The following SPATA9 variants were observed in gnomAD, a reference collection of about 807,000 sequenced individuals.
SPATA9 encodes the protein spermatogenesis associated 9, also known as spermatogenesis-associated protein 9.
SPATA9 carries 27 observed loss-of-function variants against 25.5 expected under a neutral mutation model. The ratio of observed to expected loss-of-function variants is 1.06; its 90% CI spans 0.78 to 1.46. The LOEUF is 1.46. Among genes scored for constraint, SPATA9 ranks in the 40% most tolerant of loss-of-function variants. The pLI is 0.00. For missense variants in SPATA9, 282 were observed against 297.5 expected, an observed-to-expected ratio of 0.95 and a Z score of 0.38; for synonymous variants, 102 against 105.7, an observed-to-expected ratio of 0.97 and a Z score of 0.21.
chr5:95,652,505 A>G (rs1750404290), downstream of SPATA9: 5 of 814,540 alleles, frequency 6.1e-6, no homozygotes, highest in East Asian at 1.5e-4. Context: ...CCATTCTGCA[A>G]AAATACCATT....
chr5:95,696,133 A>C (rs1337577923), intron 1 of SPATA9, among the ~76,000 whole-genome samples: 1 of 152,184 alleles, frequency 6.6e-6, no homozygotes, highest in Non-Finnish European at 1.5e-5. Context: ...CTGACACTTA[A>C]TTATAGCTTT....
At chr5:95,679,402 C>G (rs929879088) in intron 2 of SPATA9, among the ~76,000 whole-genome samples, 1 of 152,110 alleles carries the variant, frequency 6.6e-6, no homozygotes, top group African/African-American at 2.4e-5. Flanking sequence ...TATACCAAGG[C>G]TAGGGGAATG....
At chr5:95,664,519 A>C (rs914237825) in intron 3 of SPATA9, among the ~76,000 whole-genome samples, 5 of 152,348 alleles carry the variant, frequency 3.3e-5, no homozygotes, top group Admixed American at 6.5e-5. Flanking sequence ...TTAGATGATC[A>C]TTAAGCTTCA....
chr5:95,713,354 C>T, the SPATA9 span, among the ~76,000 whole-genome samples: 6 of 152,012 alleles, frequency 3.9e-5, no homozygotes, highest in South Asian at 2.1e-4. Flanking sequence ...AGGAGGGGCC[C>T]GGTGGGAGGT....
At chr5:95,655,900 G>C, downstream of SPATA9, 1 of 685,816 alleles carries the variant, frequency 1.5e-6, no homozygotes, top group Non-Finnish European at 2.4e-6. Flanking sequence ...ATTAGGATCT[G>C]CTTTATGCTG....
chr5:95,719,439 G>C, the SPATA9 span, among the ~76,000 whole-genome samples: 16 of 152,234 alleles, frequency 1.1e-4, no homozygotes, highest in South Asian at 1.7e-3. Context: ...GTTACAGCTG[G>C]GCCTGTAATA....
the SPATA9 span, chr5:95,731,738 C>T: frequency 6.2e-7 from 1 of 1,611,880 alleles, no homozygotes; most frequent in Non-Finnish European, 8.5e-7. Flanking sequence ...TGCCGTGCGC[C>T]CCAGGGACAG....
chr5:95,703,658 T>C (rs546910281), upstream of SPATA9, among the ~76,000 whole-genome samples: 7 of 151,870 alleles, frequency 4.6e-5, no homozygotes, highest in African/African-American at 1.4e-4. Flanking sequence ...AAAAAAAAAT[T>C]CATTTTTCAA....
chr5:95,731,922 G>T, the SPATA9 span: 3 of 1,614,124 alleles, frequency 1.9e-6, no homozygotes, highest in South Asian at 3.3e-5. Context: ...ACCGGCCGTC[G>T]GGGCTTATCC....
chr5:95,686,589 G>A (rs138224372), upstream of SPATA9, among the ~76,000 whole-genome samples: 25 of 152,266 alleles, frequency 1.6e-4, no homozygotes, highest in South Asian at 2.7e-3. Flanking sequence ...TCAATCGAGC[G>A]TGCAGAAGAA....
chr5:95,717,011 G>T, the SPATA9 span: 1 of 152,238 alleles, frequency 6.6e-6, no homozygotes, highest in Non-Finnish European at 1.5e-5. Context: ...GCAGTCTCAG[G>T]TATGTCTTTA....
chr5:95,698,502 C>T (rs1157304127), intron 1 of SPATA9: 1 of 152,168 alleles, frequency 6.6e-6, no homozygotes, highest in Non-Finnish European at 1.5e-5. Flanking sequence ...TTCCAAGAGA[C>T]AAATAACCTC....
At chr5:95,653,430 T>C (rs974675334), downstream of SPATA9, among the ~76,000 whole-genome samples, 1 of 152,260 alleles carries the variant, frequency 6.6e-6, no homozygotes, top group African/African-American at 2.4e-5. Context: ...TTGAATTTGA[T>C]AGGAAATAAA....
At chr5:95,701,360 G>A (rs1024703357), upstream of SPATA9, 7 of 152,058 alleles carry the variant, frequency 4.6e-5, no homozygotes, top group Non-Finnish European at 7.4e-5. Context: ...TCTCCAAGAG[G>A]ACTTTGTAAA....
the SPATA9 span, among the ~76,000 whole-genome samples, chr5:95,719,246 G>A: frequency 2.6e-5 from 4 of 152,096 alleles, no homozygotes; most frequent in South Asian, 2.1e-4. Context: ...AGAGACAGAC[G>A]GGAGTATAGT....
At chr5:95,711,806 A>G in the SPATA9 span, among the ~76,000 whole-genome samples, 1 of 152,232 alleles carries the variant, frequency 6.6e-6, no homozygotes, top group Non-Finnish European at 1.5e-5. Context: ...GCCATGGAGG[A>G]GGATTCCTGA....
upstream of SPATA9, among the ~76,000 whole-genome samples, chr5:95,699,647 A>C (rs1754130761): frequency 6.6e-6 from 1 of 152,236 alleles, no homozygotes; most frequent in South Asian, 2.1e-4. Context: ...ATGGTAAATA[A>C]AAGTGAAGGA....
At chr5:95,725,432 C>G in the SPATA9 span, among the ~76,000 whole-genome samples, 6 of 152,244 alleles carry the variant, frequency 3.9e-5, no homozygotes, top group African/African-American at 1.4e-4. Flanking sequence ...GGCTCATTAT[C>G]TCTGAGGGAA....
intron 1 of SPATA9, among the ~76,000 whole-genome samples, chr5:95,695,291 AC>A (rs1290096656): frequency 1.2e-4 from 18 of 152,308 alleles, no homozygotes; most frequent in East Asian, 7.7e-4. Context: ...TAGTTCTCAA[AC>A]TTTTTAGTCT....
Sources: gnomAD v4.1 joint callset for allele counts (sites outside exome capture counted in the v4.1 genomes callset) on GRCh38, gnomAD v4.1.1 for gene constraint, MANE v1.5 for transcripts, NCBI Gene and HGNC (gene_info 2026-07-23, HGNC 2026-07-21) for gene names.